Variants in UPF2 observed in about 807,000 individuals in gnomAD.
The protein encoded by UPF2 is UPF2 regulator of nonsense mediated mRNA decay, also known as regulator of nonsense transcripts 2.
A neutral mutation model predicts 141.4 loss-of-function variants in UPF2; 17 were observed. The observed-to-expected ratio is 0.12, with a 90% confidence interval of 0.08 to 0.18. The LOEUF is 0.18. Among genes scored for constraint, UPF2 ranks in the 10% least tolerant of loss-of-function variants. UPF2 has a pLI of 1.00. For synonymous variants in UPF2, 540 were observed against 498.0 expected (o/e 1.08, Z -1.12); for missense variants, 1,152 against 1,515.9 (o/e 0.76, Z 3.99).
In UPF2 at chr10:12,003,080, T is replaced by A. The variant is rs539747153; in HGVS notation, c.1505-1255A>T. Among the ~76,000 whole-genome samples the A allele has an allele frequency of 5.9e-5, 9 of 152,354 alleles. No individual in the cohort carries two copies. In the South Asian group the frequency reaches 1.9e-3, roughly 32 times the overall value. Reference sequence around the variant, plus strand: ...CTACCTCTAGATGAAAACAGACTTCTACTTTCTCATTCATTCATCTTTTCA... The same window carrying A: ...CTACCTCTAGATGAAAACAGACTTCAACTTTCTCATTCATTCATCTTTTCA... On this transcript the variant is annotated intron_variant, in intron 5 of 21. Transcript: ENST00000357604.
Position 12,035,367 on chromosome 10 carries a change from GT to G in UPF2, c.56del (p.Asn19ThrfsTer13). On this transcript the variant is annotated frameshift_variant, in exon 2 of 22. Coordinates refer to ENST00000357604, the MANE Select transcript of UPF2 (RefSeq NM_015542.4). LOFTEE classifies it high-confidence loss of function. The stretch of plus-strand genomic sequence containing the variant: ...TTTCACTGCAGTCTTTTTCCTTGTT[GT>G]TTGGTAAAGAGTCTTTTTCTTCCAT... ...ASMEEKDSLP[N>X]NKEKDCSERR... The G allele has an allele frequency of 6.2e-7, 1 of 1,602,542 alleles. No homozygotes were observed. Among genetic ancestry groups the G allele is most frequent in the Non-Finnish European group, 8.5e-7 (1 of 1,177,322 alleles).
At chr10:12,035,781 GT>G in intron 1 of UPF2, 1 of 168,988 alleles carries the variant, frequency 5.9e-6, no homozygotes. Flanking sequence ...TCATTTAATT[GT>G]AAATACTTCA....
chr10:12,007,794 G>A (rs11257475), intron 4 of UPF2, among the ~76,000 whole-genome samples: 57,859 of 150,146 alleles, frequency 0.39, 13,335 homozygotes, highest in Non-Finnish European at 0.51. Flanking sequence ...ACGCGCCACT[G>A]CACTCCAGCC....
chr10:11,928,398 A>G (rs1036034247), intron 21 of UPF2, among the ~76,000 whole-genome samples: 1 of 152,164 alleles, frequency 6.6e-6, no homozygotes, highest in Non-Finnish European at 1.5e-5. Flanking sequence ...GAAACACTTT[A>G]AATTACTTAC....
chr10:11,977,573 T>C (rs1833526098), intron 9 of UPF2, among the ~76,000 whole-genome samples: 1 of 152,206 alleles, frequency 6.6e-6, no homozygotes, highest in African/African-American at 2.4e-5. Context: ...GCAACTTGTG[T>C]TTTAATTTGG....
intron 10 of UPF2, among the ~76,000 whole-genome samples, chr10:11,966,249 T>G (rs1022829353): frequency 6.6e-6 from 1 of 152,220 alleles, no homozygotes; most frequent in African/African-American, 2.4e-5. Flanking sequence ...GCCTGTTGTT[T>G]CAGCTACTGA....
At chr10:12,022,127 G>A (rs1020684636) in intron 3 of UPF2, among the ~76,000 whole-genome samples, 2 of 148,644 alleles carry the variant, frequency 1.3e-5, no homozygotes, top group East Asian at 2.0e-4. Context: ...GTGACAGAGC[G>A]AGACTCCAGC....
At chr10:12,039,162 T>C (rs1246203255) in intron 1 of UPF2, among the ~76,000 whole-genome samples, 4 of 152,154 alleles carry the variant, frequency 2.6e-5, no homozygotes, top group Non-Finnish European at 5.9e-5. Context: ...CTTTATGAGG[T>C]GGGTATTATT....
intron 1 of UPF2, among the ~76,000 whole-genome samples, chr10:12,040,644 T>C (rs1458371348): frequency 1.3e-5 from 2 of 151,858 alleles, no homozygotes; most frequent in Admixed American, 6.6e-5. Flanking sequence ...GAGGCAGCAA[T>C]GCAACTTGTG....
intron 1 of UPF2, among the ~76,000 whole-genome samples, chr10:12,040,448 C>CA (rs1834716331): frequency 6.6e-6 from 1 of 151,552 alleles, no homozygotes; most frequent in African/African-American, 2.4e-5. Flanking sequence ...AAAAACAAAA[C>CA]AAAAAAAAGG....
At chr10:11,970,979 T>C (rs1833407628) in intron 9 of UPF2, among the ~76,000 whole-genome samples, 1 of 152,090 alleles carries the variant, frequency 6.6e-6, no homozygotes, top group African/African-American at 2.4e-5. Flanking sequence ...ATTTTAAGCA[T>C]TACTAAGCAT....
rs181458584 is a variant in UPF2, at chr10:11,940,702, T to C, written c.3378+1963A>G. On this transcript the variant is annotated intron_variant, in intron 18 of 21. Transcript: ENST00000357604. This position sits in a 1 kb window ranked among gnomAD's most constrained non-coding sequence, Gnocchi z 4.2. ...TAGCTCAAATCCAGACTTCTCTCCA[T>C]GTGCCTTGCCATATGCTAGACAGCT... 1.2e-4 allele frequency among the ~76,000 whole-genome samples: 19 copies of C among 152,320 alleles called. No homozygotes were observed. Among genetic ancestry groups the C allele is most frequent in the Non-Finnish European group, 2.4e-4 (16 of 68,020 alleles).
At chr10:12,028,637 G>T in intron 3 of UPF2, 108 bp downstream of exon 3, 1 of 1,158,172 alleles carries the variant, frequency 8.6e-7, no homozygotes, top group Non-Finnish European at 1.2e-6. Flanking sequence ...GAAATCACCT[G>T]TAAGGAGCCC....
rs60922532 is a variant in UPF2, at chr10:11,994,975, C to CAAAAAAAAAAAA, written c.1844+2685_1844+2696dup. On this transcript the variant is annotated intron_variant, in intron 8 of 21. Transcript: ENST00000357604. ...TGGGCAACAGAGTGAGACTCCATCTCAAAAAAAAAAAAAAAAAAAAAAAAA... is the reference window on the plus strand; with the variant it reads ...TGGGCAACAGAGTGAGACTCCATCTCAAAAAAAAAAAAAAAAAAAAAAAAAAAAAAAAAAAAA... 9.2e-4 allele frequency among the ~76,000 whole-genome samples: 47 copies of CAAAAAAAAAAAA among 51,362 alleles called. 2 individuals are homozygous for CAAAAAAAAAAAA. The highest frequency in any genetic ancestry group is 2.4e-3 in the Admixed American group (7 of 2,872). 33.7% of individuals were successfully genotyped at this position (51,362 alleles called of 152,430 possible). A position where few individuals can be genotyped will look rare whatever the true frequency, so the allele number is the denominator to read the frequency against.
At chr10:12,027,548 G>A (rs1834442504) in intron 3 of UPF2, among the ~76,000 whole-genome samples, 1 of 152,124 alleles carries the variant, frequency 6.6e-6, no homozygotes, top group South Asian at 2.1e-4. Context: ...CATTACTGAT[G>A]GTACAAGTAC....
At chr10:12,010,514 T>C (rs1248129784) in intron 4 of UPF2, among the ~76,000 whole-genome samples, 1 of 151,800 alleles carries the variant, frequency 6.6e-6, no homozygotes, top group Non-Finnish European at 1.5e-5. Flanking sequence ...CTTGAAGACA[T>C]AACAACAGAA....
At chr10:11,999,765 T>C (rs1206502743) in intron 7 of UPF2, 141 bp downstream of exon 7, 4 of 692,750 alleles carry the variant, frequency 5.8e-6, no homozygotes, top group Admixed American at 2.6e-5. Context: ...TGTCTGCTTA[T>C]GCTGAATTCC....
chr10:12,040,392 A>C (rs1191362449), intron 1 of UPF2, among the ~76,000 whole-genome samples: 1 of 152,188 alleles, frequency 6.6e-6, no homozygotes, highest in Non-Finnish European at 1.5e-5. Flanking sequence ...ACTGCACTCC[A>C]GCCTGGCGAC....
chr10:12,005,854 AG>A (rs35773504), intron 4 of UPF2, among the ~76,000 whole-genome samples: 57,169 of 145,616 alleles, frequency 0.39, 12,972 homozygotes, highest in Non-Finnish European at 0.51. Flanking sequence ...TACAGGCGTG[AG>A]CCACCACGCC....
Sources: allele counts gnomAD v4.1 joint callset (sites outside exome capture counted in the v4.1 genomes callset), GRCh38; gene constraint gnomAD v4.1.1; non-coding constraint Gnocchi (gnomAD v3.1); transcripts MANE v1.5; gene names NCBI Gene and HGNC (gene_info 2026-07-23, HGNC 2026-07-21).